The following NIBAN2 variants were observed in gnomAD, a reference collection of about 807,000 sequenced individuals.
The protein encoded by NIBAN2 is niban apoptosis regulator 2, also known as protein Niban 2.
In NIBAN2, 36 loss-of-function variants were observed where a neutral mutation model predicts 81.8. The ratio of observed to expected loss-of-function variants is 0.44; its 90% CI spans 0.34 to 0.58. NIBAN2 has a LOEUF of 0.58. Ranked by LOEUF, NIBAN2 falls within the 20% of genes least tolerant of loss-of-function variation. The pLI is 0.02. For synonymous variants in NIBAN2, 445 were observed against 441.6 expected, an observed-to-expected ratio of 1.01 and a Z score of -0.10; for missense variants, 897 against 1,014.1, an observed-to-expected ratio of 0.88 and a Z score of 1.57.
intron 1 of NIBAN2, among the ~76,000 whole-genome samples, chr9:127,534,970 A>G (rs1451756213): frequency 6.6e-6 from 1 of 152,184 alleles, no homozygotes; most frequent in African/African-American, 2.4e-5. Context: ...GGTTTTACGT[A>G]TGTGAACCCA....
rs560908473 is a variant in NIBAN2 at position 127,547,332 on chromosome 9, C to T, written c.56-15554G>A. On this transcript the variant is annotated intron_variant, in intron 1 of 13. Transcript: ENST00000373312. ...AGGAGTTTGAGACCAGCCTGGCCAACATGGTGAAACACCGTCTCTACTAAA... is the reference window on the plus strand; with the variant it reads ...AGGAGTTTGAGACCAGCCTGGCCAATATGGTGAAACACCGTCTCTACTAAA... Among the ~76,000 whole-genome samples, 47 of 151,176 alleles carry T rather than the reference C, an allele frequency of 3.1e-4. 1 individual carries two copies. The highest frequency in any genetic ancestry group is 5.5e-4 in the Non-Finnish European group (37 of 67,804).
Position 127,508,442 on chromosome 9 carries a change from C to T in NIBAN2, c.1414G>A (p.Val472Ile), listed in dbSNP as rs1280695837. 6.2e-7 allele frequency: 1 copy of T among 1,612,618 alleles called. No individual in the cohort carries two copies. Among genetic ancestry groups the T allele is most frequent in the Admixed American group, 1.7e-5 (1 of 60,024 alleles). ...KEELCKSIQRVLERVLKKYDY... is the reference protein window; with the variant it reads ...KEELCKSIQRILERVLKKYDY... ...CTCACCTTCAGCACCCGCTCCAGGACCCGCTGGATGGACTTGCACAGCTCC... is the reference window on the plus strand; with the variant it reads ...CTCACCTTCAGCACCCGCTCCAGGATCCGCTGGATGGACTTGCACAGCTCC... The change falls in exon 11 of 14, where the codon GTC (valine) becomes ATC (isoleucine). Residue 472 changes from valine (V) to isoleucine (I), a missense_variant. Val to Ile is a conservative substitution (Grantham distance 29). This residue lies in a region of NIBAN2 where 619 missense variants were observed against 691.0 expected (regional missense o/e 0.90). Coordinates refer to ENST00000373312, the MANE Select transcript of NIBAN2 (RefSeq NM_022833.4). The surrounding 1 kb of genome is among the most constrained non-coding windows in gnomAD (Gnocchi z 6.4).
rs112626528 is a variant in NIBAN2, at chr9:127,509,011, C to T, written c.1282G>A (p.Val428Met). 27 of 1,613,808 alleles carry T rather than the reference C, an allele frequency of 1.7e-5. No homozygotes were observed. The highest frequency in any genetic ancestry group is 4.5e-5 in the East Asian group (2 of 44,878). Residue 428 changes from valine (V) to methionine (M), a missense_variant, in exon 10 of 14, where the codon GTG becomes ATG. By Grantham distance (21) the Val-to-Met change is conservative. Transcript: ENST00000373312. Reference protein sequence around the residue: ...QQRFDVSSTSVFKQRAQIHMR... With the variant: ...QQRFDVSSTSMFKQRAQIHMR... ...TGGATCTGGGCTCGCTGCTTGAACACGGACGTGCTGGACACATCAAATCGC... is the reference window on the plus strand; with the variant it reads ...TGGATCTGGGCTCGCTGCTTGAACATGGACGTGCTGGACACATCAAATCGC...
intron 5 of NIBAN2, among the ~76,000 whole-genome samples, chr9:127,523,193 ATATATATATATATATATATATATAT>A (rs1194758680): frequency 0.3 from 2,401 of 7,998 alleles, 837 homozygotes; most frequent in Non-Finnish European, 0.34. Context: ...AAAAAAAAAA[ATATATATATATATATATATATATAT>A]ATATATATAT....
chr9:127,577,675 T>C (rs1324846477), intron 1 of NIBAN2, among the ~76,000 whole-genome samples: 1 of 151,818 alleles, frequency 6.6e-6, no homozygotes, highest in African/African-American at 2.4e-5. Context: ...GTTCAGCTCT[T>C]TCTCAAACAC....
intron 1 of NIBAN2, among the ~76,000 whole-genome samples, chr9:127,532,185 C>A (rs535295635): frequency 3.3e-5 from 5 of 152,214 alleles, no homozygotes; most frequent in Admixed American, 1.3e-4. Context: ...TAGGAATCTA[C>A]CCCCATAGAA....
At chr9:127,569,749 G>A (rs922476109), upstream of NIBAN2, among the ~76,000 whole-genome samples, 2 of 152,186 alleles carry the variant, frequency 1.3e-5, no homozygotes, top group Non-Finnish European at 2.9e-5. Flanking sequence ...GGGAAGGCTC[G>A]GGCCCGAAGG....
intron 1 of NIBAN2, among the ~76,000 whole-genome samples, chr9:127,576,610 A>G (rs1236902071): frequency 1.3e-5 from 2 of 151,438 alleles, no homozygotes; most frequent in Non-Finnish European, 2.9e-5. Flanking sequence ...TTCATGAGGT[A>G]TAAGTAAGAG....
intron 1 of NIBAN2, among the ~76,000 whole-genome samples, chr9:127,551,162 G>T (rs1348812548): frequency 6.6e-6 from 1 of 152,200 alleles, no homozygotes; most frequent in Non-Finnish European, 1.5e-5. Flanking sequence ...GCCAAGGTGG[G>T]TGGATCACCT....
At position 127,545,660 on chromosome 9, in the gene NIBAN2, TG is replaced by T. The variant is rs1296023079; in HGVS notation, c.56-13883del. ...AACCAGGGCTGGGCCACAACAGGTCTGGTGGGGAAGGGTGAGCTTTGAGGCA... is the reference window on the plus strand; with the variant it reads ...AACCAGGGCTGGGCCACAACAGGTCTGTGGGGAAGGGTGAGCTTTGAGGCA... On this transcript the variant is annotated intron_variant, in intron 1 of 13. Transcript: ENST00000373312. This position sits in a 1 kb window ranked among gnomAD's most constrained non-coding sequence, Gnocchi z 4.7. Among the ~76,000 whole-genome samples, 5 of 151,826 alleles carry T rather than the reference TG, an allele frequency of 3.3e-5. No homozygotes were observed. Among genetic ancestry groups the T allele is most frequent in the African/African-American group, 1.2e-4 (5 of 41,288 alleles).
chr9:127,537,128 C>A (rs192911058), intron 1 of NIBAN2, among the ~76,000 whole-genome samples: 92 of 152,312 alleles, frequency 6.0e-4, no homozygotes, highest in African/African-American at 2.1e-3. Flanking sequence ...GCCTGCCCTG[C>A]GGCCCCAGGT....
intron 1 of NIBAN2, 136 bp from the exon 2 acceptor site, chr9:127,531,914 T>C: frequency 1.7e-6 from 2 of 1,205,564 alleles, no homozygotes; most frequent in Non-Finnish European, 2.3e-6. Context: ...CTCGCGCTCA[T>C]CTGCGCTGCA....
At chr9:127,523,636 C>T (rs761238577) in intron 5 of NIBAN2, 43 bp downstream of exon 5, 1 of 1,584,370 alleles carries the variant, frequency 6.3e-7, no homozygotes, top group East Asian at 2.3e-5. Flanking sequence ...AACCCAGGTC[C>T]TGCCCCTCCC....
intron 5 of NIBAN2, 98 bp downstream of exon 5, chr9:127,523,581 G>A: frequency 3.2e-6 from 4 of 1,234,064 alleles, no homozygotes; most frequent in East Asian, 2.5e-5. Flanking sequence ...TGTAGAGCAG[G>A]GTTGCCACAC....
rs1410913475 is a variant in NIBAN2 at position 127,530,424 on chromosome 9, C to T, written c.186+1224G>A. ...CTTGGCCAGGTGCGGCAGCTGAGGC[C>T]TGTAATCCCAGCACTTTGGGAGGCC... On this transcript the variant is annotated intron_variant, in intron 2 of 13. Transcript: ENST00000373312. Among the ~76,000 whole-genome samples, 6 of 152,190 alleles carry T rather than the reference C, an allele frequency of 3.9e-5. No individual in the cohort carries two copies. In the East Asian group the frequency reaches 1.2e-3, roughly 29 times the overall value.
At chr9:127,562,831 C>T (rs555899034) in intron 1 of NIBAN2, among the ~76,000 whole-genome samples, 2 of 152,166 alleles carry the variant, frequency 1.3e-5, no homozygotes, top group African/African-American at 4.8e-5. Flanking sequence ...GAAAGTGACC[C>T]TCTGTCCTCA....
At position 127,527,201 on chromosome 9, in the gene NIBAN2, T is replaced by C. The variant is rs779439041; in HGVS notation, c.308A>G (p.Asn103Ser). ...CCCGGGGCCAGGCCTCACCGCTTTG[T>C]TTTCGTAGAGCACCAGCCCGTAGTT... ...PHNYGLVLYE[N>S]KAAYERQVPP... is the part of the protein sequence containing the mutation. The change falls in exon 3 of 14, where the codon AAC (asparagine) becomes AGC (serine). Residue 103 changes from asparagine to serine, a missense_variant. Coordinates refer to ENST00000373312, the MANE Select transcript of NIBAN2 (RefSeq NM_022833.4). 6.2e-7 allele frequency: 1 copy of C among 1,613,122 alleles called. No individual in the cohort carries two copies. Among genetic ancestry groups the C allele is most frequent in the African/African-American group, 1.3e-5 (1 of 74,804 alleles).
chr9:127,536,982 G>T lies in NIBAN2; in HGVS notation c.56-5204C>A, dbSNP rs1334266538. 6.6e-6 allele frequency among the ~76,000 whole-genome samples: 1 copy of T among 152,200 alleles called. No individual in the cohort carries two copies. The highest frequency in any genetic ancestry group is 1.9e-4 in the East Asian group (1 of 5,194). On this transcript the variant is annotated intron_variant, in intron 1 of 13. Coordinates refer to ENST00000373312, the MANE Select transcript of NIBAN2 (RefSeq NM_022833.4). The surrounding 1 kb of genome is among the most constrained non-coding windows in gnomAD (Gnocchi z 4.0). ...CTTCTGTGAGCTACAGAGAGGCTGG[G>T]GTGGGGTGGTGTGAAGGTGTGTGCC... is the stretch of plus-strand genomic sequence containing the variant.
At chr9:127,549,811 C>A (rs1368686252) in intron 1 of NIBAN2, among the ~76,000 whole-genome samples, 2 of 152,194 alleles carry the variant, frequency 1.3e-5, no homozygotes, top group Non-Finnish European at 2.9e-5. Flanking sequence ...CTAAGCTCAG[C>A]GAGCAGCAGG....
Sources: allele counts gnomAD v4.1 joint callset (sites outside exome capture counted in the v4.1 genomes callset), GRCh38; gene constraint gnomAD v4.1.1; regional missense constraint gnomAD v4.1.1; non-coding constraint Gnocchi (gnomAD v3.1); transcripts MANE v1.5; gene names NCBI Gene and HGNC (gene_info 2026-07-23, HGNC 2026-07-21).